Variants in XKR9 observed in about 807,000 individuals in gnomAD.
The protein encoded by XKR9 is XK-related protein 9.
XKR9 carries 32 observed loss-of-function variants against 32.0 expected under a neutral mutation model. That is an observed-to-expected ratio of 1.00 (90% CI 0.76 to 1.34). XKR9 has a LOEUF of 1.34. XKR9 is among the 40% of genes most tolerant of loss of function. The pLI is 0.00. For synonymous variants in XKR9, 168 were observed against 143.4 expected (o/e 1.17, Z -1.22); for missense variants, 546 against 429.7 (o/e 1.27, Z -2.39).
chr8:70,821,044 A>G, the XKR9 span, among the ~76,000 whole-genome samples: 18 of 152,196 alleles, frequency 1.2e-4, no homozygotes, highest in African/African-American at 4.3e-4. Context: ...TTTGAGACAA[A>G]GCAAGTCCCT....
At chr8:70,972,645 C>G in the XKR9 span, among the ~76,000 whole-genome samples, 1 of 152,052 alleles carries the variant, frequency 6.6e-6, no homozygotes, top group South Asian at 2.1e-4. Flanking sequence ...CCCTTCTATG[C>G]CAATTTTACT....
chr8:71,020,125 G>T, the XKR9 span, among the ~76,000 whole-genome samples: 2 of 152,118 alleles, frequency 1.3e-5, no homozygotes, highest in Non-Finnish European at 2.9e-5. Flanking sequence ...TTAATTCTTG[G>T]ATTAAATGGA....
chr8:71,062,501 G>C, the XKR9 span, among the ~76,000 whole-genome samples: 1 of 152,054 alleles, frequency 6.6e-6, no homozygotes, highest in African/African-American at 2.4e-5. Context: ...AATACCTTGC[G>C]GGTTGAGATT....
the XKR9 span, among the ~76,000 whole-genome samples, chr8:70,957,088 G>T: frequency 2.6e-5 from 4 of 152,366 alleles, no homozygotes; most frequent in South Asian, 8.3e-4. Flanking sequence ...CACATGGAAA[G>T]ACAGTTCCTT....
chr8:70,822,302 A>G, the XKR9 span, among the ~76,000 whole-genome samples: 13 of 152,188 alleles, frequency 8.5e-5, no homozygotes, highest in African/African-American at 3.1e-4. Flanking sequence ...AAAATTCATC[A>G]GGATAGCTTT....
At chr8:71,036,491 C>G in the XKR9 span, among the ~76,000 whole-genome samples, 3 of 151,928 alleles carry the variant, frequency 2.0e-5, no homozygotes, top group African/African-American at 7.3e-5. Flanking sequence ...ACTGGAAAGT[C>G]AGCATAATAG....
At chr8:70,835,410 G>A in the XKR9 span, among the ~76,000 whole-genome samples, 4 of 152,066 alleles carry the variant, frequency 2.6e-5, no homozygotes, top group Non-Finnish European at 5.9e-5. Flanking sequence ...AGGCTTCAGA[G>A]TGTAAAGAAA....
the XKR9 span, among the ~76,000 whole-genome samples, chr8:71,051,421 A>C: frequency 3.3e-5 from 5 of 152,294 alleles, no homozygotes; most frequent in Non-Finnish European, 7.3e-5. Flanking sequence ...TTCTGTTGAA[A>C]ACAACAAATA....
At chr8:70,882,875 C>A in the XKR9 span, among the ~76,000 whole-genome samples, 1 of 150,394 alleles carries the variant, frequency 6.6e-6, no homozygotes, top group East Asian at 1.9e-4. Flanking sequence ...TAGTATCACG[C>A]AGAATAGTTT....
chr8:70,993,832 G>A, the XKR9 span, among the ~76,000 whole-genome samples: 4 of 152,126 alleles, frequency 2.6e-5, no homozygotes, highest in African/African-American at 9.7e-5. Context: ...TAAGGTGTGA[G>A]TGTATGTTTG....
Position 70,700,768 on chromosome 8 carries a change from T to C in XKR9, c.273-6165T>C, listed in dbSNP as rs1016230033. 1.4e-4 allele frequency among the ~76,000 whole-genome samples: 22 copies of C among 152,318 alleles called. No homozygotes were observed. The East Asian group carries it at 3.1e-3, about 21-fold the overall frequency. On this transcript the variant is annotated intron_variant, in intron 3 of 4. Transcript: ENST00000408926. ...GAGGTTACTGCTGTCTTTTTGTTTG[T>C]CTGTGCCCTGCCTCCAGAGGTGGAG...
At chr8:70,854,321 T>G in the XKR9 span, among the ~76,000 whole-genome samples, 1 of 152,238 alleles carries the variant, frequency 6.6e-6, no homozygotes, top group East Asian at 1.9e-4. Flanking sequence ...TGCATAAATG[T>G]CTTCTTTGAG....
chr8:70,864,546 G>T, the XKR9 span, among the ~76,000 whole-genome samples: 4 of 152,118 alleles, frequency 2.6e-5, no homozygotes, highest in Admixed American at 6.5e-5. Flanking sequence ...TTTTGAAAGA[G>T]GTGAAAATTG....
chr8:70,776,927 C>T (rs190284894), intron 2 of XKR9, among the ~76,000 whole-genome samples: 5 of 28,944 alleles, frequency 1.7e-4, no homozygotes, highest in African/African-American at 8.0e-4. Flanking sequence ...CTTTCTTTCT[C>T]TCTCTCTCTC....
chr8:71,061,138 T>TA, the XKR9 span, among the ~76,000 whole-genome samples: 694 of 152,296 alleles, frequency 4.6e-3, 3 homozygotes, highest in Non-Finnish European at 7.7e-3. Context: ...ATGGTTATCT[T>TA]ATTCAAGGTG....
At chr8:70,764,458 G>T (rs1291968207) in intron 2 of XKR9, among the ~76,000 whole-genome samples, 1 of 152,064 alleles carries the variant, frequency 6.6e-6, no homozygotes, top group African/African-American at 2.4e-5. Context: ...TTCCCAAAGT[G>T]CACTGGCAAA....
At chr8:70,906,960 T>C in the XKR9 span, among the ~76,000 whole-genome samples, 3 of 152,304 alleles carry the variant, frequency 2.0e-5, no homozygotes, top group South Asian at 6.2e-4. Context: ...TTTGTATAAC[T>C]ACCACTACCA....
chr8:70,986,366 C>T, the XKR9 span, among the ~76,000 whole-genome samples: 2 of 152,160 alleles, frequency 1.3e-5, no homozygotes, highest in African/African-American at 4.8e-5. Flanking sequence ...AAGCTTTCCA[C>T]TCTATAATAA....
intron 2 of XKR9, among the ~76,000 whole-genome samples, chr8:70,786,328 A>C (rs1807688308): frequency 6.6e-6 from 1 of 152,026 alleles, no homozygotes; most frequent in African/African-American, 2.4e-5. Flanking sequence ...ATGTTTCCTT[A>C]TTAATTTTCT....
Sources: allele counts gnomAD v4.1 joint callset (sites outside exome capture counted in the v4.1 genomes callset), GRCh38; gene constraint gnomAD v4.1.1; transcripts MANE v1.5; gene names NCBI Gene and HGNC (gene_info 2026-07-23, HGNC 2026-07-21).